PIKFYVE: variants seen among roughly 807,000 people sequenced by gnomAD.
PIKFYVE encodes the protein 1-phosphatidylinositol 3-phosphate 5-kinase.
Under a neutral mutation model 257.9 loss-of-function variants are expected in PIKFYVE, and 122 were observed. The observed-to-expected ratio is 0.47, with a 90% confidence interval of 0.41 to 0.55. The LOEUF (loss-of-function observed/expected upper bound fraction) is 0.55. PIKFYVE is among the 20% of genes least tolerant of loss of function. PIKFYVE has a pLI of 0.00. For missense variants in PIKFYVE, 2,160 were observed against 2,536.6 expected, an observed-to-expected ratio of 0.85 and a Z score of 3.19; for synonymous variants, 892 against 868.9, an observed-to-expected ratio of 1.03 and a Z score of -0.47.
chr2:208,330,067 T>G (rs2125625681), intron 22 of PIKFYVE, among the ~76,000 whole-genome samples, 154 bp downstream of exon 22: 1 of 152,316 alleles, frequency 6.6e-6, no homozygotes, highest in Admixed American at 6.5e-5. Context: ...GAAGTAATAA[T>G]CTATTTCATA....
At chr2:208,272,063 T>G (rs1689490257) in intron 2 of PIKFYVE, among the ~76,000 whole-genome samples, 1 of 151,762 alleles carries the variant, frequency 6.6e-6, no homozygotes, top group Non-Finnish European at 1.5e-5. Flanking sequence ...TGAAATCCCG[T>G]CTCTACTAAA....
chr2:208,277,244 GGT>G (rs1418249640), intron 4 of PIKFYVE, among the ~76,000 whole-genome samples: 1 of 151,946 alleles, frequency 6.6e-6, no homozygotes, highest in East Asian at 1.9e-4. Flanking sequence ...TATGTGTGAG[GGT>G]GTGTCAGGGC....
chr2:208,340,209 T>G, intron 31 of PIKFYVE, 78 bp downstream of exon 31: 1 of 1,520,830 alleles, frequency 6.6e-7, no homozygotes, highest in South Asian at 1.2e-5. Context: ...TTAAATATAT[T>G]TATCTGATGC....
At chr2:208,351,324 G>A (rs1464939254) in intron 37 of PIKFYVE, 28 bp from the exon 38 acceptor site, 1 of 1,449,328 alleles carries the variant, frequency 6.9e-7, no homozygotes, top group South Asian at 1.1e-5. Context: ...TTGTGATTGA[G>A]TAAACACATA....
rs763514365 is a variant in PIKFYVE, at chr2:208,324,962, A to G, written c.2383A>G (p.Met795Val). 2.0e-5 allele frequency: 33 copies of G among 1,614,126 alleles called. No individual in the cohort carries two copies. Among genetic ancestry groups the G allele is most frequent in the South Asian group, 3.3e-5 (3 of 91,088 alleles). ...RMTQGDLVMS[M>V]DQLLTKPHLG... ...GACCCAAGGTGATTTAGTGATGTCAATGGACCAGCTGCTTACGAAACCACA... is the reference window on the plus strand; with the variant it reads ...GACCCAAGGTGATTTAGTGATGTCAGTGGACCAGCTGCTTACGAAACCACA... Residue 795 changes from methionine to valine, a missense_variant, in exon 19 of 42, where the codon ATG (methionine) becomes GTG (valine). By Grantham distance (21) the Met-to-Val change is conservative. This residue lies in a region of PIKFYVE where 346 missense variants were observed against 365.6 expected (regional missense o/e 0.95). Transcript: ENST00000264380.
At position 208,336,960 on chromosome 2, in the gene PIKFYVE, A is replaced by G. The variant is rs745410539; in HGVS notation, c.4611+32A>G. 2.0e-4 allele frequency: 294 copies of G among 1,474,056 alleles called. 3 individuals are homozygous for G. The East Asian group carries it at 6.1e-3, about 31-fold the overall frequency. 91.3% of individuals were successfully genotyped at this position (1,474,056 alleles called of 1,614,324 possible). ...AATGTAGTCTTGTCTTTGGTCCTTA[A>G]TCAATAGAAATATAGTTAGTTTCAT... On this transcript the variant is annotated intron_variant, in intron 28 of 41. Coordinates refer to ENST00000264380, the MANE Select transcript of PIKFYVE (RefSeq NM_015040.4).
At chr2:208,335,969 A>G in intron 26 of PIKFYVE, 68 bp downstream of exon 26, 3 of 1,590,768 alleles carry the variant, frequency 1.9e-6, no homozygotes, top group Non-Finnish European at 2.6e-6. Context: ...TTAAAAATCA[A>G]AAATTAATAA....
At chr2:208,316,321 T>G (rs904855802) in intron 15 of PIKFYVE, among the ~76,000 whole-genome samples, 1 of 152,170 alleles carries the variant, frequency 6.6e-6, no homozygotes, top group African/African-American at 2.4e-5. Flanking sequence ...TTGTGAATAG[T>G]GCCGCAATAA....
intron 10 of PIKFYVE, among the ~76,000 whole-genome samples, chr2:208,303,870 A>G (rs1694017926): frequency 6.6e-6 from 1 of 152,248 alleles, no homozygotes; most frequent in African/African-American, 2.4e-5. Context: ...AATAAATTCT[A>G]AGCTATCTTC....
At chr2:208,278,090 C>T (rs914784063) in intron 5 of PIKFYVE, among the ~76,000 whole-genome samples, 1 of 152,132 alleles carries the variant, frequency 6.6e-6, no homozygotes, top group East Asian at 1.9e-4. Flanking sequence ...GTGTCTTACT[C>T]AGATTCCTCC....
intron 16 of PIKFYVE, among the ~76,000 whole-genome samples, chr2:208,318,258 C>G (rs1404756361): frequency 1.3e-5 from 2 of 152,200 alleles, no homozygotes; most frequent in Non-Finnish European, 2.9e-5. Flanking sequence ...CAGGGTTTCT[C>G]TAGTAGGCTG....
chr2:208,342,792 T>TTA, intron 32 of PIKFYVE, 143 bp downstream of exon 32: 15 of 559,528 alleles, frequency 2.7e-5, no homozygotes, highest in East Asian at 3.2e-5. Context: ...TGATAGCTTG[T>TTA]TCTTTTTTTT....
At chr2:208,319,602 T>A (rs1000531375) in intron 16 of PIKFYVE, among the ~76,000 whole-genome samples, 3 of 152,186 alleles carry the variant, frequency 2.0e-5, no homozygotes, top group Non-Finnish European at 2.9e-5. Context: ...GTCACTGTTT[T>A]CGGAACTGTT....
intron 17 of PIKFYVE, 122 bp from the exon 18 acceptor site, chr2:208,324,020 A>G: frequency 2.1e-6 from 2 of 950,240 alleles, no homozygotes; most frequent in Non-Finnish European, 3.4e-6. Context: ...GCCCTTTGTC[A>G]GATGAGTAGA....
At chr2:208,317,979 C>T (rs909095948) in intron 16 of PIKFYVE, 38 bp downstream of exon 16, 31 of 1,574,562 alleles carry the variant, frequency 2.0e-5, no homozygotes, top group Non-Finnish European at 2.4e-5. Context: ...TTCAGCAAAC[C>T]ATGGCTGTGT....
intron 17 of PIKFYVE, 34 bp from the exon 18 acceptor site, chr2:208,324,108 A>C: frequency 6.2e-7 from 1 of 1,604,344 alleles, no homozygotes; most frequent in Non-Finnish European, 8.5e-7. Context: ...ACTGCATTTT[A>C]CCAGGTGTAA....
chr2:208,266,216 G>A (rs1010648920), upstream of PIKFYVE: 20 of 144,980 alleles, frequency 1.4e-4, no homozygotes, highest in African/African-American at 4.8e-4. Flanking sequence ...CGGACTGGGG[G>A]ACAGGAAAAC....
intron 7 of PIKFYVE, among the ~76,000 whole-genome samples, chr2:208,293,155 A>C (rs1050526146): frequency 6.6e-6 from 1 of 151,684 alleles, no homozygotes; most frequent in African/African-American, 2.4e-5. Context: ...CTTTCAAATA[A>C]TACTATACTA....
chr2:208,353,840 TTAAC>T (rs1400589504), intron 39 of PIKFYVE, 54 bp from the exon 40 acceptor site: 19 of 1,593,696 alleles, frequency 1.2e-5, no homozygotes, highest in Middle Eastern at 1.7e-4. Flanking sequence ...TTTACTTACA[TTAAC>T]TAATCATTTG....
Sources: allele counts gnomAD v4.1 joint callset (sites outside exome capture counted in the v4.1 genomes callset), GRCh38; gene constraint gnomAD v4.1.1; regional missense constraint gnomAD v4.1.1; transcripts MANE v1.5; gene names NCBI Gene and HGNC (gene_info 2026-07-23, HGNC 2026-07-21).